LINGO2: variants seen among roughly 807,000 people sequenced by gnomAD.
LINGO2 encodes the protein leucine rich repeat and Ig domain containing 2.
Under a neutral mutation model 30.6 loss-of-function variants are expected in LINGO2, and 14 were observed. The ratio of observed to expected loss-of-function variants is 0.46; its 90% confidence interval spans 0.30 to 0.72. The LOEUF (loss-of-function observed/expected upper bound fraction) is 0.72, where lower values mean the gene tolerates loss of function less well. Ranked by LOEUF, LINGO2 falls within the 30% of genes least tolerant of loss-of-function variation. The pLI, the probability that LINGO2 is intolerant of heterozygous loss-of-function variation, is 0.07. For synonymous variants in LINGO2, 317 were observed against 288.5 expected, an observed-to-expected ratio of 1.10 and a Z score of -1.00; for missense variants, 729 against 751.7, an observed-to-expected ratio of 0.97 and a Z score of 0.35.
chr9:29,039,500 C>G, the LINGO2 span, among the ~76,000 whole-genome samples: 104 of 152,108 alleles, frequency 6.8e-4, no homozygotes, highest in Admixed American at 2.9e-3. Flanking sequence ...TACTGCCAAC[C>G]ATGGTGACAC....
intron 4 of LINGO2, among the ~76,000 whole-genome samples, chr9:28,290,007 G>A (rs1299001609): frequency 6.6e-6 from 1 of 152,196 alleles, no homozygotes; most frequent in African/African-American, 2.4e-5. Context: ...GAGAAGGGAT[G>A]CCAGGAAGCC....
intron 4 of LINGO2, among the ~76,000 whole-genome samples, chr9:28,012,786 T>C (rs186137441): frequency 6.6e-6 from 1 of 152,228 alleles, no homozygotes; most frequent in African/African-American, 2.4e-5. Flanking sequence ...CCAAGGAGCC[T>C]ACTTTCTTTT....
chr9:28,743,141 A>G, the LINGO2 span, among the ~76,000 whole-genome samples: 2 of 151,940 alleles, frequency 1.3e-5, no homozygotes, highest in African/African-American at 4.8e-5. Flanking sequence ...TTAGTTTTCT[A>G]TGAGTATCTT....
the LINGO2 span, among the ~76,000 whole-genome samples, chr9:29,178,760 C>A: frequency 6.6e-6 from 1 of 151,934 alleles, no homozygotes; most frequent in Non-Finnish European, 1.5e-5. Context: ...TAACTAAGCA[C>A]AGAGTTAGAG....
the LINGO2 span, among the ~76,000 whole-genome samples, chr9:29,086,965 T>C: frequency 6.6e-6 from 1 of 150,426 alleles, no homozygotes; most frequent in Non-Finnish European, 1.5e-5. Flanking sequence ...CACTGCAACA[T>C]CTGCCTCCCG....
chr9:29,139,959 C>T, the LINGO2 span, among the ~76,000 whole-genome samples: 43 of 151,858 alleles, frequency 2.8e-4, no homozygotes, highest in Middle Eastern at 3.4e-3. Context: ...CAAGAGATTA[C>T]GAGTTCTTGA....
chr9:28,988,961 G>A, the LINGO2 span, among the ~76,000 whole-genome samples: 2 of 152,068 alleles, frequency 1.3e-5, no homozygotes, highest in African/African-American at 4.8e-5. Context: ...TCTGTTGCAG[G>A]GAAGTGTAAC....
At chr9:29,021,554 G>A in the LINGO2 span, among the ~76,000 whole-genome samples, 1 of 152,052 alleles carries the variant, frequency 6.6e-6, no homozygotes, top group African/African-American at 2.4e-5. Context: ...CTACTCAGGA[G>A]GCTGAGGCAG....
chr9:28,679,248 T>C, the LINGO2 span, among the ~76,000 whole-genome samples: 1 of 152,076 alleles, frequency 6.6e-6, no homozygotes, highest in Admixed American at 6.6e-5. Context: ...TTTAAAGAAA[T>C]CTTTTCACCA....
At chr9:28,131,482 C>G (rs934301874) in intron 4 of LINGO2, among the ~76,000 whole-genome samples, 1 of 151,944 alleles carries the variant, frequency 6.6e-6, no homozygotes, top group African/African-American at 2.4e-5. Flanking sequence ...TTTTATCTCC[C>G]CAAAATGCCT....
At chr9:29,070,106 C>T in the LINGO2 span, among the ~76,000 whole-genome samples, 1 of 150,152 alleles carries the variant, frequency 6.7e-6, no homozygotes, top group Non-Finnish European at 1.5e-5. Context: ...TATATTCACA[C>T]ACACATATAT....
At chr9:28,744,108 A>AT in the LINGO2 span, among the ~76,000 whole-genome samples, 1,602 of 136,852 alleles carry the variant, frequency 0.012, 19 homozygotes, top group Middle Eastern at 0.02. Context: ...ATATATATAT[A>AT]TTTTTTTTCT....
intron 1 of LINGO2, among the ~76,000 whole-genome samples, chr9:28,659,746 G>T (rs1828513312): frequency 6.6e-6 from 1 of 152,140 alleles, no homozygotes; most frequent in South Asian, 2.1e-4. Flanking sequence ...ACCATGCTTG[G>T]CCAATGGCTG....
At chr9:28,656,300 A>G (rs823769) in intron 1 of LINGO2, among the ~76,000 whole-genome samples, 356 of 152,226 alleles carry the variant, frequency 2.3e-3, no homozygotes, top group African/African-American at 8.1e-3. Flanking sequence ...TTATCCTATA[A>G]AAAAGGAAAA....
the LINGO2 span, among the ~76,000 whole-genome samples, chr9:29,121,036 C>CA: frequency 3.3e-5 from 5 of 151,864 alleles, no homozygotes; most frequent in East Asian, 7.7e-4. Context: ...ATATATACAT[C>CA]AAAAAAAGGT....
At chr9:28,990,261 C>G in the LINGO2 span, among the ~76,000 whole-genome samples, 3 of 152,340 alleles carry the variant, frequency 2.0e-5, no homozygotes, top group South Asian at 6.2e-4. Context: ...GCTAGCACAG[C>G]AGTCTGAGAT....
chr9:28,301,374 A>C (rs892899258), intron 3 of LINGO2, among the ~76,000 whole-genome samples: 9 of 152,022 alleles, frequency 5.9e-5, no homozygotes, highest in Middle Eastern at 3.4e-3. Flanking sequence ...AAAAAAAAAA[A>C]AACAAAAAAA....
the LINGO2 span, among the ~76,000 whole-genome samples, chr9:28,833,922 A>G: frequency 6.6e-6 from 1 of 152,140 alleles, no homozygotes; most frequent in African/African-American, 2.4e-5. Context: ...CCTTCTTTAT[A>G]TCGCACTCAT....
intron 5 of LINGO2, among the ~76,000 whole-genome samples, chr9:28,009,252 G>T (rs1408534832): frequency 6.6e-6 from 1 of 150,828 alleles, no homozygotes; most frequent in Non-Finnish European, 1.5e-5. Context: ...AACTCAAAAT[G>T]AGTCATAGAC....
Sources: gnomAD v4.1 joint callset for allele counts (sites outside exome capture counted in the v4.1 genomes callset) on GRCh38, gnomAD v4.1.1 for gene constraint, MANE v1.5 for transcripts, NCBI Gene and HGNC (gene_info 2026-07-23, HGNC 2026-07-21) for gene names.